Variants in USH2A observed in about 807,000 individuals in gnomAD.
USH2A encodes usherin, also known as Usher syndrome 2A (autosomal recessive, mild).
In USH2A, 443 loss-of-function variants were observed where a neutral mutation model predicts 538.9. The observed-to-expected ratio is 0.82, with a 90% confidence interval of 0.76 to 0.89. The LOEUF is 0.89. USH2A is among the 40% of genes least tolerant of loss of function. USH2A has a pLI of 0.00. For missense variants in USH2A, 6,633 were observed against 6,324.8 expected, an observed-to-expected ratio of 1.05 and a Z score of -1.65; for synonymous variants, 2,413 against 2,273.5, an observed-to-expected ratio of 1.06 and a Z score of -1.75.
intron 3 of USH2A, among the ~76,000 whole-genome samples, chr1:216,405,538 G>T (rs2039381221): frequency 6.6e-6 from 1 of 152,100 alleles, no homozygotes. Context: ...AATAAATGTA[G>T]CCTTTATTTT....
chr1:215,664,710 C>G (rs1008187348), intron 64 of USH2A, among the ~76,000 whole-genome samples: 1 of 151,956 alleles, frequency 6.6e-6, no homozygotes, highest in Non-Finnish European at 1.5e-5. Flanking sequence ...GGTATGGAGG[C>G]CTTTGGGAGG....
chr1:216,282,190 T>C (rs2036796222), intron 11 of USH2A, among the ~76,000 whole-genome samples: 1 of 152,154 alleles, frequency 6.6e-6, no homozygotes, highest in African/African-American at 2.4e-5. Context: ...GGTTGTTTAT[T>C]TCACTTTCTT....
At chr1:216,181,965 A>G (rs2034502257) in intron 20 of USH2A, among the ~76,000 whole-genome samples, 1 of 152,078 alleles carries the variant, frequency 6.6e-6, no homozygotes, top group African/African-American at 2.4e-5. Context: ...AAGTAGCGTC[A>G]CTGATCTAAC....
intron 49 of USH2A, among the ~76,000 whole-genome samples, chr1:215,802,667 T>C (rs1406974372): frequency 1.3e-5 from 2 of 152,220 alleles, no homozygotes; most frequent in East Asian, 3.9e-4. Context: ...GAATATAAAA[T>C]GTTAAAATGT....
chr1:215,837,919 G>A, intron 47 of USH2A, 72 bp downstream of exon 47: 1 of 1,215,860 alleles, frequency 8.2e-7, no homozygotes, highest in Non-Finnish European at 1.2e-6. Flanking sequence ...TGGCTGAGAG[G>A]ATACCTTTGA....
chr1:215,743,386 A>ATATATATGTGTGTG (rs878870284), intron 58 of USH2A, 51 bp from the exon 59 acceptor site: 1 of 310,004 alleles, frequency 3.2e-6, no homozygotes, highest in African/African-American at 3.3e-5. Flanking sequence ...ATATATATAT[A>ATATATATGTGTGTG]TGTGTGTGTG....
intron 47 of USH2A, among the ~76,000 whole-genome samples, chr1:215,818,057 T>C (rs1323799611): frequency 6.6e-6 from 1 of 152,028 alleles, no homozygotes; most frequent in African/African-American, 2.4e-5. Flanking sequence ...GATTTTCTTT[T>C]CTTTAGCTTA....
intron 21 of USH2A, among the ~76,000 whole-genome samples, chr1:216,148,567 AAAG>A (rs2033762410): frequency 1.3e-5 from 2 of 152,274 alleles, no homozygotes; most frequent in South Asian, 4.1e-4. Context: ...TGAAAGGATT[AAAG>A]CCTGTTATCA....
chr1:215,882,004 T>G (rs1005941921), intron 41 of USH2A, among the ~76,000 whole-genome samples: 1 of 152,218 alleles, frequency 6.6e-6, no homozygotes, highest in African/African-American at 2.4e-5. Flanking sequence ...GTTAGTTGAT[T>G]GGCTTCAGGC....
intron 19 of USH2A, among the ~76,000 whole-genome samples, chr1:216,191,302 A>T (rs2034712467): frequency 6.6e-6 from 1 of 152,084 alleles, no homozygotes; most frequent in Non-Finnish European, 1.5e-5. Flanking sequence ...TGTAAAGTTC[A>T]GTAACATTTG....
At chr1:216,137,929 T>C (rs949214284) in intron 21 of USH2A, among the ~76,000 whole-genome samples, 2 of 152,204 alleles carry the variant, frequency 1.3e-5, no homozygotes, top group Admixed American at 1.3e-4. Context: ...GATTGTTTTA[T>C]ATCAACTTAA....
At chr1:216,075,313 G>T (rs530088731) in intron 27 of USH2A, among the ~76,000 whole-genome samples, 1 of 152,138 alleles carries the variant, frequency 6.6e-6, no homozygotes, top group Non-Finnish European at 1.5e-5. Flanking sequence ...AGGTTGTCCC[G>T]TGCTTTCAAC....
intron 37 of USH2A, among the ~76,000 whole-genome samples, chr1:215,952,039 T>C (rs1571841111): frequency 6.7e-6 from 1 of 150,030 alleles, no homozygotes; most frequent in African/African-American, 2.5e-5. Context: ...TAATTTTTTG[T>C]CTTTTTAGTA....
chr1:215,968,261 T>G (rs1667403997), intron 36 of USH2A, among the ~76,000 whole-genome samples: 1 of 152,150 alleles, frequency 6.6e-6, no homozygotes, highest in Non-Finnish European at 1.5e-5. Flanking sequence ...TATTGAAATT[T>G]CCATAAGAGT....
chr1:215,727,524 C>T (rs760960067), intron 61 of USH2A, among the ~76,000 whole-genome samples: 6 of 151,930 alleles, frequency 3.9e-5, no homozygotes, highest in Admixed American at 6.6e-5. Flanking sequence ...GTCAGGAGTT[C>T]GAGACTAGCC....
Position 216,199,484 on chromosome 1 carries a change from T to C in USH2A, c.3811+143A>G, listed in dbSNP as rs538904057. ...CCACTAACCAGGACAAATACTATCT[T>C]ATATCTTTAGAAACTGTTTCTCAAT... On this transcript the variant is annotated intron_variant, in intron 17 of 71. Transcript: ENST00000307340. 4.4e-4 allele frequency: 554 copies of C among 1,262,044 alleles called. 2 individuals are homozygous for C. In the African/African-American group the frequency reaches 7.1e-3, roughly 16 times the overall value. 78.2% of individuals were successfully genotyped at this position (1,262,044 alleles called of 1,614,324 possible).
intron 39 of USH2A, 122 bp downstream of exon 39, chr1:215,900,632 GT>G (rs1665468498): frequency 1.6e-5 from 21 of 1,284,002 alleles, no homozygotes; most frequent in East Asian, 4.8e-5. Context: ...ATTGTTTGGG[GT>G]TTTTTTGTAC....
At position 216,196,618 on chromosome 1, in the gene USH2A, C is replaced by G; in HGVS notation, c.4186G>C (p.Gly1396Arg). The change falls in exon 19 of 72, where the codon GGG becomes CGG. Residue 1396 changes from glycine (G) to arginine (R), a missense_variant. Coordinates refer to ENST00000307340, the MANE Select transcript of USH2A (RefSeq NM_206933.4). ...ADNVTRGKVV[G>R]YDINMLSEQS... ...TCAGAAAGCATATTGATGTCATACCCCACAACTTTTCCTCTTGTAACATTA... is the reference window on the plus strand; with the variant it reads ...TCAGAAAGCATATTGATGTCATACCGCACAACTTTTCCTCTTGTAACATTA... 2 of 1,613,568 alleles carry G rather than the reference C, an allele frequency of 1.2e-6. No individual in the cohort carries two copies. Among genetic ancestry groups the G allele is most frequent in the Non-Finnish European group, 1.7e-6 (2 of 1,179,716 alleles).
intron 32 of USH2A, among the ~76,000 whole-genome samples, chr1:216,046,131 G>C (rs986114374): frequency 4.6e-5 from 7 of 150,950 alleles, no homozygotes. Context: ...TCAAGTCCCT[G>C]TTACAATGTG....
Sources: gnomAD v4.1 joint callset for allele counts (sites outside exome capture counted in the v4.1 genomes callset) on GRCh38, gnomAD v4.1.1 for gene constraint, MANE v1.5 for transcripts, NCBI Gene and HGNC (gene_info 2026-07-23, HGNC 2026-07-21) for gene names.